TOX: variants seen among roughly 807,000 people sequenced by gnomAD.
TOX encodes the protein thymocyte selection associated high mobility group box.
Under a neutral mutation model 53.7 loss-of-function variants are expected in TOX, and 11 were observed. That is an observed-to-expected ratio of 0.20 (90% CI 0.13 to 0.34). The LOEUF (loss-of-function observed/expected upper bound fraction) is 0.34. TOX is among the 10% of genes least tolerant of loss of function. The pLI, the probability that TOX is intolerant of heterozygous loss-of-function variation, is 1.00. For missense variants in TOX, 570 were observed against 664.6 expected (o/e 0.86, Z 1.56); for synonymous variants, 225 against 245.3 (o/e 0.92, Z 0.77).
chr8:59,116,610 G>C (rs963848799), intron 1 of TOX, among the ~76,000 whole-genome samples: 6 of 152,192 alleles, frequency 3.9e-5, no homozygotes, highest in African/African-American at 1.4e-4. Flanking sequence ...CGGGACCAGT[G>C]ACAAATATAT....
chr8:58,933,716 T>C (rs1042827843), intron 3 of TOX, among the ~76,000 whole-genome samples: 1 of 152,164 alleles, frequency 6.6e-6, no homozygotes, highest in Non-Finnish European at 1.5e-5. Flanking sequence ...AAAATGCTAG[T>C]CCTGAGAAGG....
At chr8:58,871,966 G>C (rs1230313824) in intron 3 of TOX, among the ~76,000 whole-genome samples, 1 of 152,096 alleles carries the variant, frequency 6.6e-6, no homozygotes, top group Non-Finnish European at 1.5e-5. Flanking sequence ...AGCCATCTTA[G>C]TTTCTGATAC....
intron 3 of TOX, among the ~76,000 whole-genome samples, chr8:58,908,467 C>A (rs922188297): frequency 6.6e-6 from 1 of 152,204 alleles, no homozygotes; most frequent in Non-Finnish European, 1.5e-5. Context: ...GCCTTGAAAG[C>A]TGGCCCTTCA....
intron 1 of TOX, among the ~76,000 whole-genome samples, chr8:59,116,326 A>G (rs1437607890): frequency 6.6e-6 from 1 of 152,232 alleles, no homozygotes; most frequent in African/African-American, 2.4e-5. Flanking sequence ...ACTTTGCAGT[A>G]TTGTTCTTTT....
intron 3 of TOX, among the ~76,000 whole-genome samples, chr8:58,931,695 A>C (rs4738738): frequency 0.31 from 46,963 of 152,040 alleles, 8,311 homozygotes; most frequent in Non-Finnish European, 0.39. Context: ...CAAATGGTTT[A>C]GGTTTACTCC....
At chr8:58,906,216 T>C (rs1811812236) in intron 3 of TOX, among the ~76,000 whole-genome samples, 1 of 152,148 alleles carries the variant, frequency 6.6e-6, no homozygotes, top group Non-Finnish European at 1.5e-5. Flanking sequence ...ATGTCTACTA[T>C]AAGGGCCACA....
At chr8:58,969,660 C>A (rs1812966979) in intron 1 of TOX, among the ~76,000 whole-genome samples, 1 of 152,146 alleles carries the variant, frequency 6.6e-6, no homozygotes, top group South Asian at 2.1e-4. Context: ...TTCAGATTTT[C>A]AGTTCCAAAG....
At chr8:58,995,329 G>C (rs1391624063) in intron 1 of TOX, among the ~76,000 whole-genome samples, 2 of 152,082 alleles carry the variant, frequency 1.3e-5, no homozygotes, top group African/African-American at 2.4e-5. Context: ...TTCTATTTCA[G>C]TTTCCCAAAG....
At chr8:58,864,580 A>G (rs1320254942) in intron 3 of TOX, among the ~76,000 whole-genome samples, 13 of 152,192 alleles carry the variant, frequency 8.5e-5, no homozygotes, top group Admixed American at 8.5e-4. Flanking sequence ...TACAACGTTC[A>G]TTTCATTAGC....
chr8:59,097,093 G>T (rs967473314), intron 1 of TOX, among the ~76,000 whole-genome samples: 3 of 152,156 alleles, frequency 2.0e-5, no homozygotes, highest in African/African-American at 7.2e-5. Context: ...AGCCCGATGT[G>T]GGGGAACACG....
chr8:58,984,711 A>C (rs1264517681), intron 1 of TOX, among the ~76,000 whole-genome samples: 1 of 138,718 alleles, frequency 7.2e-6, no homozygotes, highest in African/African-American at 2.7e-5. Context: ...TGAACCCGGG[A>C]GGCGGAGCTT....
chr8:58,896,624 G>A (rs1563382412), intron 3 of TOX, among the ~76,000 whole-genome samples: 2 of 152,126 alleles, frequency 1.3e-5, no homozygotes, highest in African/African-American at 4.8e-5. Flanking sequence ...GCAGTGAGCC[G>A]AGATCATGCT....
chr8:59,038,718 G>A (rs1266281036), intron 1 of TOX, among the ~76,000 whole-genome samples: 1 of 152,312 alleles, frequency 6.6e-6, no homozygotes, highest in East Asian at 1.9e-4. Context: ...GAGACAGGAC[G>A]CTTGGCTCTT....
intron 1 of TOX, among the ~76,000 whole-genome samples, chr8:59,070,262 G>A (rs1804170446): frequency 6.6e-6 from 1 of 152,024 alleles, no homozygotes; most frequent in Non-Finnish European, 1.5e-5. Context: ...CCTCAACACA[G>A]GCATACTTTT....
chr8:58,828,274 G>A (rs1479389000), intron 5 of TOX, among the ~76,000 whole-genome samples: 1 of 152,140 alleles, frequency 6.6e-6, no homozygotes, highest in Non-Finnish European at 1.5e-5. Context: ...GACTAACCTT[G>A]TCAACAGAAT....
chr8:58,987,983 A>G (rs895700725), intron 1 of TOX, among the ~76,000 whole-genome samples: 1 of 152,226 alleles, frequency 6.6e-6, no homozygotes, highest in African/African-American at 2.4e-5. Flanking sequence ...GTAATACAGG[A>G]ATCCAATCCA....
chr8:58,963,141 C>T lies in TOX; in HGVS notation c.103-3133G>A, dbSNP rs141722551. Among the ~76,000 whole-genome samples, 372 of 152,228 alleles carry T rather than the reference C, an allele frequency of 2.4e-3. 3 individuals carry two copies. Among genetic ancestry groups the T allele is most frequent in the African/African-American group, 8.5e-3 (353 of 41,546 alleles). Reference sequence around the variant, plus strand: ...GGCATGACTTGAAATAACATTGGCTCTTGTTGGACCTCAAACTTGCCAGCT... The same window carrying T: ...GGCATGACTTGAAATAACATTGGCTTTTGTTGGACCTCAAACTTGCCAGCT... On this transcript the variant is annotated intron_variant, in intron 1 of 8. Coordinates refer to ENST00000361421, the MANE Select transcript of TOX (RefSeq NM_014729.3).
intron 3 of TOX, among the ~76,000 whole-genome samples, chr8:58,912,861 G>C (rs562620778): frequency 4.1e-4 from 63 of 152,248 alleles, no homozygotes; most frequent in African/African-American, 1.3e-3. Context: ...CAACATACTT[G>C]AGTCATGCTT....
At chr8:58,850,759 A>G (rs909819614) in intron 4 of TOX, among the ~76,000 whole-genome samples, 1 of 152,258 alleles carries the variant, frequency 6.6e-6, no homozygotes, top group African/African-American at 2.4e-5. Flanking sequence ...AGGCTAAATA[A>G]ATCGATGAAT....
Sources: allele counts gnomAD v4.1 joint callset (sites outside exome capture counted in the v4.1 genomes callset), GRCh38; gene constraint gnomAD v4.1.1; transcripts MANE v1.5; gene names NCBI Gene and HGNC (gene_info 2026-07-23, HGNC 2026-07-21).